Variants in SEMA5A observed in about 807,000 individuals in gnomAD.
The protein encoded by SEMA5A is semaphorin 5A, also known as semaphorin-5A.
Under a neutral mutation model 135.5 loss-of-function variants are expected in SEMA5A, and 55 were observed. The observed-to-expected ratio is 0.41, with a 90% CI of 0.33 to 0.51. SEMA5A has a LOEUF of 0.51. SEMA5A is among the 20% of genes least tolerant of loss of function. The probability of loss-of-function intolerance (pLI) is 0.37; values close to 1 mark genes in which losing one functional copy is unlikely to be tolerated. For synonymous variants in SEMA5A, 580 were observed against 546.5 expected, an observed-to-expected ratio of 1.06 and a Z score of -0.85; for missense variants, 1,290 against 1,419.9, an observed-to-expected ratio of 0.91 and a Z score of 1.47.
At chr5:9,302,623 T>A (rs3777317) in intron 5 of SEMA5A, among the ~76,000 whole-genome samples, 102,928 of 151,610 alleles carry the variant, frequency 0.68, 37,966 homozygotes, top group Non-Finnish European at 0.83. Flanking sequence ...CAAGGCATGA[T>A]CTCAGAGCAC....
rs187281846 is a variant in SEMA5A, at chr5:9,419,247, C to T, written c.-78+18509G>A. On this transcript the variant is annotated intron_variant, in intron 2 of 22. Coordinates refer to ENST00000382496, the MANE Select transcript of SEMA5A (RefSeq NM_003966.3). ...TGTGAGAGTGTCCTTGGTATGATTTCCAGGTTTTTGAATTTATTGAGGCTT... is the reference window on the plus strand; with the variant it reads ...TGTGAGAGTGTCCTTGGTATGATTTTCAGGTTTTTGAATTTATTGAGGCTT... 2.6e-5 allele frequency among the ~76,000 whole-genome samples: 4 copies of T among 152,158 alleles called. No individual in the cohort carries two copies. The East Asian group carries it at 7.7e-4, about 29-fold the overall frequency.
At chr5:9,064,399 C>T (rs77543984) in intron 17 of SEMA5A, among the ~76,000 whole-genome samples, 1 of 152,124 alleles carries the variant, frequency 6.6e-6, no homozygotes, top group Non-Finnish European at 1.5e-5. Flanking sequence ...TGGCCAAATG[C>T]CCATTGATGA....
intron 3 of SEMA5A, among the ~76,000 whole-genome samples, chr5:9,379,089 C>G (rs969433861): frequency 2.0e-5 from 3 of 152,032 alleles, no homozygotes; most frequent in African/African-American, 7.2e-5. Flanking sequence ...TTAGACTATT[C>G]TTTCTATTTC....
At chr5:9,360,520 A>G (rs887736361) in intron 3 of SEMA5A, among the ~76,000 whole-genome samples, 2 of 152,228 alleles carry the variant, frequency 1.3e-5, no homozygotes, top group African/African-American at 4.8e-5. Flanking sequence ...CTTGCTTTTT[A>G]AAACAACACG....
chr5:9,388,805 A>G (rs755707074), intron 2 of SEMA5A, among the ~76,000 whole-genome samples: 13 of 152,010 alleles, frequency 8.6e-5, no homozygotes, highest in Non-Finnish European at 1.5e-4. Flanking sequence ...AGGCTGAGGC[A>G]GGAGAATGGC....
chr5:9,503,030 A>T (rs1466705646), intron 1 of SEMA5A, among the ~76,000 whole-genome samples: 1 of 152,226 alleles, frequency 6.6e-6, no homozygotes, highest in Non-Finnish European at 1.5e-5. Flanking sequence ...TGTCCAAATA[A>T]TGATAGCACA....
intron 5 of SEMA5A, 113 bp downstream of exon 5, chr5:9,318,259 G>A (rs533399762): frequency 1.3e-4 from 126 of 978,010 alleles, no homozygotes; most frequent in South Asian, 4.7e-4. Flanking sequence ...CTGAGGAAAC[G>A]AGCCCCTGCT....
chr5:9,301,666 G>C (rs139444858), intron 5 of SEMA5A, among the ~76,000 whole-genome samples: 66 of 152,232 alleles, frequency 4.3e-4, no homozygotes, highest in Non-Finnish European at 8.8e-4. Context: ...CTCAGGCACA[G>C]TGCAATGTCA....
intron 1 of SEMA5A, among the ~76,000 whole-genome samples, chr5:9,478,898 C>G (rs1759770264): frequency 6.6e-6 from 1 of 152,166 alleles, no homozygotes; most frequent in Admixed American, 6.5e-5. Flanking sequence ...GATGATATGG[C>G]TTGGCTCTGT....
intron 16 of SEMA5A, among the ~76,000 whole-genome samples, chr5:9,083,605 T>C (rs1400400051): frequency 1.3e-5 from 2 of 151,866 alleles, no homozygotes; most frequent in Non-Finnish European, 2.9e-5. Flanking sequence ...CATCCATCCA[T>C]CCATCCATCC....
At chr5:9,206,902 G>A (rs781557589) in intron 8 of SEMA5A, among the ~76,000 whole-genome samples, 14 of 149,744 alleles carry the variant, frequency 9.3e-5, no homozygotes, top group Non-Finnish European at 1.8e-4. Flanking sequence ...TAAATGGGCT[G>A]ATACATAGCA....
intron 16 of SEMA5A, among the ~76,000 whole-genome samples, chr5:9,098,816 T>C (rs1560913225): frequency 6.6e-6 from 1 of 152,216 alleles, no homozygotes; most frequent in East Asian, 1.9e-4. Context: ...ATATCAAGTA[T>C]TGAATAATCT....
chr5:9,203,739 G>A (rs1456992582), intron 8 of SEMA5A, among the ~76,000 whole-genome samples: 1 of 152,066 alleles, frequency 6.6e-6, no homozygotes, highest in Non-Finnish European at 1.5e-5. Context: ...AGTATATCAA[G>A]TAATATACTG....
chr5:9,480,400 C>T (rs756184113), intron 1 of SEMA5A, among the ~76,000 whole-genome samples: 8 of 152,072 alleles, frequency 5.3e-5, no homozygotes, highest in Non-Finnish European at 1.2e-4. Context: ...TATTAACCGC[C>T]TAAGGCAAAT....
chr5:9,045,128 T>C (rs1018630432), intron 21 of SEMA5A, among the ~76,000 whole-genome samples: 2 of 152,188 alleles, frequency 1.3e-5, no homozygotes, highest in African/African-American at 2.4e-5. Context: ...AATGATAGTC[T>C]TTTGGAGTGA....
Position 9,039,194 on chromosome 5 carries a change from G to C in SEMA5A, c.*3703C>G, listed in dbSNP as rs1328054365. 1 of 152,272 alleles carries C rather than the reference G, an allele frequency of 6.6e-6. No individual in the cohort carries two copies. Among genetic ancestry groups the C allele is most frequent in the Admixed American group, 6.5e-5 (1 of 15,288 alleles). The allele number at this position is 152,272 out of a possible 1,614,324, so 9.4% of individuals were successfully genotyped here. The stretch of plus-strand genomic sequence containing the variant: ...TCTGGCACTCTGGGCAGTTGATCCT[G>C]GCAGAGTCCAAGGGTCAGACCCATG... On this transcript the variant is annotated 3_prime_UTR_variant, in exon 23 of 23. Transcript: ENST00000382496.
At chr5:9,043,886 C>T (rs1736096076) in intron 22 of SEMA5A, among the ~76,000 whole-genome samples, 1 of 152,228 alleles carries the variant, frequency 6.6e-6, no homozygotes, top group South Asian at 2.1e-4. Flanking sequence ...GAATCATGCT[C>T]AGAGGAGCCC....
chr5:9,221,299 CTTTTTTT>C (rs869063755), intron 8 of SEMA5A, among the ~76,000 whole-genome samples: 1 of 103,224 alleles, frequency 9.7e-6, no homozygotes, highest in South Asian at 3.4e-4. Flanking sequence ...CGAACATTTT[CTTTTTTT>C]TTTTTTTTTT....
At chr5:9,485,073 T>C (rs1039503566) in intron 1 of SEMA5A, among the ~76,000 whole-genome samples, 1 of 152,184 alleles carries the variant, frequency 6.6e-6, no homozygotes, top group Non-Finnish European at 1.5e-5. Context: ...CTTAGACTAA[T>C]GTAATTATTC....
Sources: allele counts gnomAD v4.1 joint callset (sites outside exome capture counted in the v4.1 genomes callset), GRCh38; gene constraint gnomAD v4.1.1; transcripts MANE v1.5; gene names NCBI Gene and HGNC (gene_info 2026-07-23, HGNC 2026-07-21).